Variants in HS6ST3 observed in about 807,000 individuals in gnomAD.
HS6ST3 encodes heparan-sulfate 6-O-sulfotransferase 3.
In HS6ST3, 12 loss-of-function variants were observed where a neutral mutation model predicts 36.7. That is an observed-to-expected ratio of 0.33 (90% CI 0.21 to 0.53). HS6ST3 has a LOEUF of 0.53. Ranked by LOEUF, HS6ST3 falls within the 20% of genes least tolerant of loss-of-function variation. HS6ST3 has a pLI of 0.95. For missense variants in HS6ST3, 584 were observed against 640.9 expected (o/e 0.91, Z 0.96); for synonymous variants, 240 against 257.5 (o/e 0.93, Z 0.65).
At chr13:96,706,440 T>TATATATATATATATATATAC (rs1491180585) in intron 1 of HS6ST3, among the ~76,000 whole-genome samples, 3 of 137,590 alleles carry the variant, frequency 2.2e-5, no homozygotes, top group African/African-American at 5.7e-5. Context: ...TATATATATA[T>TATATATATATATATATATAC]AATCAGGGAA....
chr13:96,626,460 A>G (rs1298866943), intron 1 of HS6ST3, among the ~76,000 whole-genome samples: 3 of 152,122 alleles, frequency 2.0e-5, no homozygotes, highest in Non-Finnish European at 4.4e-5. Flanking sequence ...ATTTTGCTTC[A>G]TTGGTTTATT....
At chr13:96,806,878 G>T (rs1878207667) in intron 1 of HS6ST3, among the ~76,000 whole-genome samples, 1 of 152,168 alleles carries the variant, frequency 6.6e-6, no homozygotes, top group Admixed American at 6.5e-5. Context: ...TGCCAAGTCT[G>T]TATCTTCACC....
chr13:96,557,951 G>T (rs1317464624), intron 1 of HS6ST3, among the ~76,000 whole-genome samples: 1 of 152,096 alleles, frequency 6.6e-6, no homozygotes, highest in Non-Finnish European at 1.5e-5. Flanking sequence ...AACAATAATA[G>T]CTACCTCACA....
At chr13:96,115,897 G>A (rs759280043) in intron 1 of HS6ST3, among the ~76,000 whole-genome samples, 2 of 151,946 alleles carry the variant, frequency 1.3e-5, no homozygotes, top group Admixed American at 6.6e-5. Context: ...CCACATCCTC[G>A]CCAGCATCAA....
chr13:96,770,751 A>G (rs1877244338), intron 1 of HS6ST3, among the ~76,000 whole-genome samples: 1 of 152,226 alleles, frequency 6.6e-6, no homozygotes, highest in South Asian at 2.1e-4. Context: ...TTGAGTTGGA[A>G]TCTAAGATCT....
At chr13:96,406,755 TTAGA>T (rs1198249794) in intron 1 of HS6ST3, among the ~76,000 whole-genome samples, 17 of 152,196 alleles carry the variant, frequency 1.1e-4, no homozygotes, top group Non-Finnish European at 5.9e-5. Flanking sequence ...GATCTTTAAG[TTAGA>T]TAGAGGTTTA....
chr13:96,570,022 T>C (rs954453136), intron 1 of HS6ST3, among the ~76,000 whole-genome samples: 2 of 152,248 alleles, frequency 1.3e-5, no homozygotes, highest in East Asian at 3.8e-4. Flanking sequence ...TGAAGGGATG[T>C]ATAAATAAAA....
At chr13:96,108,750 C>G (rs117138569) in intron 1 of HS6ST3, among the ~76,000 whole-genome samples, 1,593 of 152,184 alleles carry the variant, frequency 0.01, 15 homozygotes, top group Non-Finnish European at 0.018. Flanking sequence ...GAGAAGAGAG[C>G]AGAAAATAAA....
chr13:96,540,026 C>T (rs867951049), intron 1 of HS6ST3, among the ~76,000 whole-genome samples: 4 of 152,252 alleles, frequency 2.6e-5, no homozygotes, highest in Admixed American at 6.5e-5. Context: ...AGGCCATTGA[C>T]AGGCCTGACA....
chr13:96,780,476 C>T (rs752253152), intron 1 of HS6ST3, among the ~76,000 whole-genome samples: 17 of 152,140 alleles, frequency 1.1e-4, no homozygotes, highest in Non-Finnish European at 2.5e-4. Context: ...TCCCTATTTC[C>T]TCCCTTAATC....
rs756120816 is a variant in HS6ST3 at position 96,677,553 on chromosome 13, T to A, written c.708-154937T>A. Among the ~76,000 whole-genome samples, 3 of 152,176 alleles carry A rather than the reference T, an allele frequency of 2.0e-5. No individual in the cohort carries two copies. The East Asian group carries it at 5.8e-4, about 29-fold the overall frequency. ...GCATATATGTGTGTGTGTATATGGA[T>A]GTTTATATGCACACATCTCATACAT... On this transcript the variant is annotated intron_variant, in intron 1 of 1. Coordinates refer to ENST00000376705, the MANE Select transcript of HS6ST3 (RefSeq NM_153456.4).
intron 1 of HS6ST3, among the ~76,000 whole-genome samples, chr13:96,646,182 C>T (rs961550295): frequency 3.3e-5 from 5 of 152,114 alleles, no homozygotes; most frequent in East Asian, 1.9e-4. Flanking sequence ...TTGGCGTTTG[C>T]GGTGACAAGA....
At chr13:96,813,908 C>CT (rs1878370012) in intron 1 of HS6ST3, among the ~76,000 whole-genome samples, 1 of 152,226 alleles carries the variant, frequency 6.6e-6, no homozygotes, top group Non-Finnish European at 1.5e-5. Context: ...GTTTGCATCA[C>CT]AGATGGTTGT....
At chr13:96,639,896 T>C (rs2139005953) in intron 1 of HS6ST3, among the ~76,000 whole-genome samples, 1 of 152,134 alleles carries the variant, frequency 6.6e-6, no homozygotes, top group South Asian at 2.1e-4. Flanking sequence ...TTCATTTGTT[T>C]CTTATGGCTG....
At chr13:96,470,864 C>T (rs748940257) in intron 1 of HS6ST3, among the ~76,000 whole-genome samples, 17 of 152,142 alleles carry the variant, frequency 1.1e-4, no homozygotes, top group Admixed American at 2.6e-4. Flanking sequence ...TCCAATTTAC[C>T]ATTTAGGTCT....
At chr13:96,241,442 A>G (rs957008646) in intron 1 of HS6ST3, among the ~76,000 whole-genome samples, 2 of 152,044 alleles carry the variant, frequency 1.3e-5, no homozygotes, top group Non-Finnish European at 2.9e-5. Flanking sequence ...AAAAGCATTT[A>G]AATTAATAGT....
At chr13:96,461,797 C>G (rs79407115) in intron 1 of HS6ST3, among the ~76,000 whole-genome samples, 1,693 of 152,208 alleles carry the variant, frequency 0.011, 31 homozygotes, top group African/African-American at 0.039. Flanking sequence ...GAGGAACAGA[C>G]AGCAATTCCA....
intron 1 of HS6ST3, among the ~76,000 whole-genome samples, chr13:96,358,328 G>A (rs943422891): frequency 6.6e-6 from 1 of 151,926 alleles, no homozygotes; most frequent in African/African-American, 2.4e-5. Context: ...AAGTGAAAAT[G>A]TGCTTTATGT....
rs561646959 is a variant in HS6ST3 at position 96,514,327 on chromosome 13, A to G, written c.708-318163A>G. ...TGGTGATTAATTCAATGTGAGATAT[A>G]AAGTTTGAAAGGAGTTCAATTTCAA... is the stretch of plus-strand genomic sequence containing the variant. On this transcript the variant is annotated intron_variant, in intron 1 of 1. Transcript: ENST00000376705. 3.9e-5 allele frequency among the ~76,000 whole-genome samples: 6 copies of G among 152,310 alleles called. No individual in the cohort carries two copies. The South Asian group carries it at 1.0e-3, about 26-fold the overall frequency.
Sources: gnomAD v4.1 joint callset for allele counts (sites outside exome capture counted in the v4.1 genomes callset) on GRCh38, gnomAD v4.1.1 for gene constraint, MANE v1.5 for transcripts, NCBI Gene and HGNC (gene_info 2026-07-23, HGNC 2026-07-21) for gene names.